Variants in ZMYM3 observed in about 807,000 individuals in gnomAD.
ZMYM3 encodes zinc finger MYM-type protein 3.
In ZMYM3, 6 loss-of-function variants were observed where a neutral mutation model predicts 94.2. The observed-to-expected ratio is 0.06, with a 90% confidence interval of 0.03 to 0.13. The LOEUF is 0.13. ZMYM3 is among the 10% of genes least tolerant of loss of function. The pLI is 1.00. For synonymous variants in ZMYM3, 420 were observed against 426.5 expected (o/e 0.98, Z 0.19); for missense variants, 664 against 1,132.6 (o/e 0.59, Z 5.94).
At chrX:71,250,945 C>T (rs1041436658) in intron 4 of ZMYM3, among the ~76,000 whole-genome samples, 1 of 111,337 alleles carries the variant, frequency 9.0e-6, no homozygotes, top group African/African-American at 3.3e-5. Context: ...TGAGAAGATT[C>T]GGAGACAGAG....
At chrX:71,254,340 G>T (rs2030660021), upstream of ZMYM3, 1 of 112,643 alleles carries the variant, frequency 8.9e-6, no homozygotes, top group Non-Finnish European at 1.9e-5. Flanking sequence ...CCCCCGCCCG[G>T]GGCCCCGTTA....
At chrX:71,242,846 G>T in intron 22 of ZMYM3, 124 bp downstream of exon 22, 1 of 620,280 alleles carries the variant, frequency 1.6e-6, no homozygotes, top group Non-Finnish European at 2.5e-6. Flanking sequence ...GAGGCATCCA[G>T]CTACACGCTC....
At position 71,240,774 on chromosome X, in the gene ZMYM3, A is replaced by G; in HGVS notation, c.*142T>C. 1 of 595,478 alleles carries G rather than the reference A, an allele frequency of 1.7e-6. No homozygotes were observed. Among genetic ancestry groups the G allele is most frequent in the South Asian group, 3.5e-5 (1 of 28,671 alleles). 49.1% of individuals were successfully genotyped at this position (595,478 alleles called of 1,213,427 possible). A position where few individuals can be genotyped will look rare whatever the true frequency, so the allele number is the denominator to read the frequency against. ...AGAAGATAAAAGCCAGGGTTCCTAGAGAAGGCAGGGAATGGGTGAGCGGAA... is the reference window on the plus strand; with the variant it reads ...AGAAGATAAAAGCCAGGGTTCCTAGGGAAGGCAGGGAATGGGTGAGCGGAA... On this transcript the variant is annotated 3_prime_UTR_variant, in exon 25 of 25. Coordinates refer to ENST00000314425, the MANE Select transcript of ZMYM3 (RefSeq NM_201599.3).
At position 71,248,186 on chromosome X, in the gene ZMYM3, C is replaced by G. The variant is rs773875482; in HGVS notation, c.1951G>C (p.Val651Leu). The change falls in exon 11 of 25, where the codon GTG (valine) becomes CTG (leucine). Residue 651 changes from valine to leucine, a missense_variant. By Grantham distance (32) the Val-to-Leu change is conservative. Coordinates refer to ENST00000314425, the MANE Select transcript of ZMYM3 (RefSeq NM_201599.3). ...LLHEKLRFSGVEKSFCSEGCV... is the reference protein window; with the variant it reads ...LLHEKLRFSGLEKSFCSEGCV... ...CCTTCGCTGCAGAAGCTTTTCTCCA[C>G]TCCGCTGAATCGGAGTTTCTCATGC... 6 of 1,209,187 alleles carry G rather than the reference C, an allele frequency of 5.0e-6. No homozygotes were observed. In the East Asian group the frequency reaches 1.8e-4, roughly 36 times the overall value.
chrX:71,252,802 G>A lies in ZMYM3; in HGVS notation c.454C>T (p.Leu152=), dbSNP rs1390597107. ...EPLAPDSPIT[L]QSPHIEEEET... ...TCCTCTTCAATATGTGGGGACTGCA[G>A]TGTTATTGGAGAATCTGGAGCCAAA... Residue 152 remains leucine, a synonymous_variant, in exon 2 of 25, where the codon CTG becomes TTG. Coordinates refer to ENST00000314425, the MANE Select transcript of ZMYM3 (RefSeq NM_201599.3). The A allele has an allele frequency of 1.7e-6, 2 of 1,210,416 alleles. No homozygotes were observed. The highest frequency in any genetic ancestry group is 2.2e-6 in the Non-Finnish European group (2 of 895,166).
rs1602355844 is a variant in ZMYM3, at chrX:71,240,620, G to A, written c.*296C>T. On this transcript the variant is annotated 3_prime_UTR_variant, in exon 25 of 25. Transcript: ENST00000314425. Reference sequence around the variant, plus strand: ...CAGAGCTATTAACACTCCACCCAGAGTCTGGACCCAGAAGGAGGGGTTTAC... The same window carrying A: ...CAGAGCTATTAACACTCCACCCAGAATCTGGACCCAGAAGGAGGGGTTTAC... 1 of 262,055 alleles carries A rather than the reference G, an allele frequency of 3.8e-6. No homozygotes were observed. The highest frequency in any genetic ancestry group is 6.5e-5 in the East Asian group (1 of 15,325). 21.6% of individuals were successfully genotyped at this position (262,055 alleles called of 1,213,427 possible). A position where few individuals can be genotyped will look rare whatever the true frequency, so the allele number is the denominator to read the frequency against.
Position 71,241,039 on chromosome X carries a change from T to C in ZMYM3, c.3990A>G (p.Ser1330=). 8.3e-7 allele frequency: 1 copy of C among 1,210,648 alleles called. No individual in the cohort carries two copies. Among genetic ancestry groups the C allele is most frequent in the Admixed American group, 2.2e-5 (1 of 45,878 alleles). Residue 1330 remains serine (S), a synonymous_variant, in exon 25 of 25, where the codon TCA becomes TCG. Transcript: ENST00000314425. ...TGGGGATCACAGAATACCAGAGAGG[T>C]GACTCGGCGATGCAGGACCGTTCAG... The part of the protein sequence containing the change: ...LQPERSCIAE[S]PLWYSVIPMD...
intron 22 of ZMYM3, 76 bp from the exon 23 acceptor site, chrX:71,242,500 C>A: frequency 8.8e-7 from 1 of 1,139,396 alleles, no homozygotes; most frequent in South Asian, 2.0e-5. Context: ...TCCCATGTGC[C>A]CTGCTCATTT....
Position 71,242,793 on chromosome X carries a change from G to A in ZMYM3, c.3547+177C>T, listed in dbSNP as rs148914066. 2.8e-3 allele frequency among the ~76,000 whole-genome samples: 310 copies of A among 111,757 alleles called. 1 individual carries two copies. The highest frequency in any genetic ancestry group is 5.1e-3 in the Non-Finnish European group (269 of 53,170). ...ACCTAAGTCTTGATCCCCATCTCAC[G>A]TTCAAGAACAGGCGCTCCTGTGCTC... is the stretch of plus-strand genomic sequence containing the variant. On this transcript the variant is annotated intron_variant, in intron 22 of 24. Coordinates refer to ENST00000314425, the MANE Select transcript of ZMYM3 (RefSeq NM_201599.3).
intron 12 of ZMYM3, 46 bp from the exon 13 acceptor site, chrX:71,247,556 T>G (rs767280804): frequency 2.5e-6 from 3 of 1,181,003 alleles, no homozygotes; most frequent in Non-Finnish European, 3.4e-6. Flanking sequence ...CTAAAATGCG[T>G]TGGGCCCTTT....
intron 18 of ZMYM3, among the ~76,000 whole-genome samples, 183 bp from the exon 19 acceptor site, chrX:71,245,076 G>A (rs1209666541): frequency 5.3e-5 from 5 of 93,868 alleles, no homozygotes; most frequent in Non-Finnish European, 1.0e-4. Flanking sequence ...CTACTGAACC[G>A]TAAACATGTT....
rs1280268406 is a variant in ZMYM3 at position 71,251,544 on chromosome X, C to G, written c.711+14G>C. 8.4e-7 allele frequency: 1 copy of G among 1,185,727 alleles called. No individual in the cohort carries two copies. Among genetic ancestry groups the G allele is most frequent in the African/African-American group, 1.8e-5 (1 of 56,689 alleles). On this transcript the variant is annotated intron_variant, in intron 3 of 24. Coordinates refer to ENST00000314425, the MANE Select transcript of ZMYM3 (RefSeq NM_201599.3). ...AAGGGGGAACCAGACTCCTTCCAAT[C>G]CCCTCCCCCTCACCCGTTCAGGCGG...
At chrX:71,254,338 C>G (rs1044683829), upstream of ZMYM3, 1 of 112,672 alleles carries the variant, frequency 8.9e-6, no homozygotes, top group East Asian at 2.8e-4. Flanking sequence ...AGCCCCCGCC[C>G]GGGGCCCCGT....
chrX:71,249,926 C>T lies in ZMYM3; in HGVS notation c.1251+100G>A. 3.7e-6 allele frequency: 4 copies of T among 1,082,442 alleles called. No homozygotes were observed. The South Asian group carries it at 9.4e-5, about 25-fold the overall frequency. 89.2% of individuals were successfully genotyped at this position (1,082,442 alleles called of 1,213,427 possible). Reference sequence around the variant, plus strand: ...TCATGATGGCCGCCTTTCCTCCCCACTCCCCTTTCCACAGGGCCTGGACCC... The same window carrying T: ...TCATGATGGCCGCCTTTCCTCCCCATTCCCCTTTCCACAGGGCCTGGACCC... On this transcript the variant is annotated intron_variant, in intron 6 of 24. Transcript: ENST00000314425.
chrX:71,240,934 C>T lies in ZMYM3; in HGVS notation c.4095G>A (p.Gly1365=). 8.3e-7 allele frequency: 1 copy of T among 1,210,465 alleles called. No individual in the cohort carries two copies. The highest frequency in any genetic ancestry group is 1.1e-6 in the Non-Finnish European group (1 of 894,798). The change falls in exon 25 of 25, where the codon GGG becomes GGA. Residue 1365 remains glycine, a synonymous_variant. Transcript: ENST00000314425. The stretch of plus-strand genomic sequence containing the variant: ...CACGAGCTCAGTCCAGGTCTTCCTC[C>T]CCAGGACGACCCAGTTCCTCATAAA... ...REIYEELGRP[G]EEDLD
rs1384893730 is a variant in ZMYM3 at position 71,247,382 on chromosome X, G to A, written c.2277C>T (p.Asn759=). The A allele has an allele frequency of 2.5e-6, 3 of 1,201,788 alleles. No homozygotes were observed. Among genetic ancestry groups the A allele is most frequent in the Non-Finnish European group, 2.2e-6 (2 of 890,145 alleles). The change falls in exon 13 of 25, where the codon AAC becomes AAT. Residue 759 remains asparagine, a synonymous_variant. Coordinates refer to ENST00000314425, the MANE Select transcript of ZMYM3 (RefSeq NM_201599.3). ...LRFYSQQNQP[N]LDTQSGPESL... is the part of the protein sequence containing the mutation. ...TCTCGGGCCCACTCTGGGTATCCAG[G>A]TTGGGTTGGTTCTGCTGGCTATAGA...
At chrX:71,245,913 G>A in intron 16 of ZMYM3, 71 bp from the exon 17 acceptor site, 2 of 1,190,542 alleles carry the variant, frequency 1.7e-6, no homozygotes, top group Non-Finnish European at 2.3e-6. Flanking sequence ...GGGGACAGAT[G>A]ATGAGTGAAG....
At chrX:71,246,752 C>T (rs1243969484) in intron 13 of ZMYM3, 60 bp from the exon 14 acceptor site, 8 of 1,082,877 alleles carry the variant, frequency 7.4e-6, no homozygotes, top group Non-Finnish European at 1.0e-5. Flanking sequence ...TTTTCCTTAC[C>T]CCTGTTCCAG....
At chrX:71,248,600 T>G in intron 9 of ZMYM3, 76 bp from the exon 10 acceptor site, 1 of 1,155,336 alleles carries the variant, frequency 8.7e-7, no homozygotes, top group Admixed American at 2.4e-5. Flanking sequence ...GCTTGTTCTT[T>G]GCTCTGCCCA....
Sources: allele counts gnomAD v4.1 joint callset (sites outside exome capture counted in the v4.1 genomes callset), GRCh38; gene constraint gnomAD v4.1.1; transcripts MANE v1.5; gene names NCBI Gene and HGNC (gene_info 2026-07-23, HGNC 2026-07-21).